NDUFA13: variants seen among roughly 807,000 people sequenced by gnomAD.
NDUFA13 encodes the protein NADH:ubiquinone oxidoreductase subunit A13.
In NDUFA13, 16 loss-of-function variants were observed where a neutral mutation model predicts 17.0. The observed-to-expected ratio is 0.94, with a 90% CI of 0.64 to 1.43. The LOEUF (loss-of-function observed/expected upper bound fraction) is 1.43, where lower values mean the gene tolerates loss of function less well. Ranked by LOEUF, NDUFA13 falls within the 40% of genes most tolerant of loss-of-function variation. The pLI, the probability that NDUFA13 is intolerant of heterozygous loss-of-function variation, is 0.00. For synonymous variants in NDUFA13, 87 were observed against 78.4 expected (o/e 1.11, Z -0.58); for missense variants, 228 against 206.7 (o/e 1.10, Z -0.63).
chr19:19,527,359 C>T lies in NDUFA13; in HGVS notation c.245+7C>T. Reference sequence around the variant, plus strand: ...AGGCAGAAACCGACCGGAGGTAGCACCGCAGGGGCCAAGGTTGGGAGGTCA... The same window carrying T: ...AGGCAGAAACCGACCGGAGGTAGCATCGCAGGGGCCAAGGTTGGGAGGTCA... On this transcript the variant is annotated splice_region_variant and intron_variant, in intron 3 of 4. Transcript: ENST00000507754. 6.2e-7 allele frequency: 1 copy of T among 1,613,760 alleles called. No homozygotes were observed. Among genetic ancestry groups the T allele is most frequent in the Non-Finnish European group, 8.5e-7 (1 of 1,179,994 alleles).
At chr19:19,517,808 T>G (rs1261362706) in intron 1 of NDUFA13, among the ~76,000 whole-genome samples, 1 of 151,948 alleles carries the variant, frequency 6.6e-6, no homozygotes, top group Non-Finnish European at 1.5e-5. Context: ...ATTACAGGCA[T>G]GAGCCACCGC....
At chr19:19,518,479 C>T (rs2061060219) in intron 1 of NDUFA13, among the ~76,000 whole-genome samples, 2 of 152,038 alleles carry the variant, frequency 1.3e-5, no homozygotes, top group Non-Finnish European at 2.9e-5. Context: ...AGGTTATCCA[C>T]CCACCTCGGC....
At chr19:19,525,921 G>A (rs1002051209) in intron 1 of NDUFA13, 1 of 987,740 alleles carries the variant, frequency 1.0e-6, no homozygotes, top group Non-Finnish European at 1.4e-6. Flanking sequence ...TGCCGCCCAG[G>A]GTCCAAACAG....
intron 1 of NDUFA13, among the ~76,000 whole-genome samples, chr19:19,524,363 T>G (rs1158525422): frequency 6.6e-6 from 1 of 152,246 alleles, no homozygotes; most frequent in African/African-American, 2.4e-5. Flanking sequence ...AGCTGTGGGA[T>G]AAGTTTTGGA....
chr19:19,520,870 G>C (rs1397451896), intron 1 of NDUFA13, among the ~76,000 whole-genome samples: 1 of 152,116 alleles, frequency 6.6e-6, no homozygotes, highest in East Asian at 1.9e-4. Context: ...GTGGCCTTTT[G>C]TTTCTGGCAA....
chr19:19,526,788 C>G, intron 2 of NDUFA13: 1 of 285,368 alleles, frequency 3.5e-6, no homozygotes, highest in Non-Finnish European at 6.8e-6. Context: ...TCCCCCAACC[C>G]CAACGCAGGC....
Position 19,516,283 on chromosome 19 carries a change from C to A in NDUFA13, c.45C>A (p.Gly15=), listed in dbSNP as rs183288709. The change falls in exon 1 of 5, where the codon GGC becomes GGA. Residue 15 remains glycine (G), a synonymous_variant. Coordinates refer to ENST00000507754, the MANE Select transcript of NDUFA13 (RefSeq NM_015965.7). ...KVKQDMPPPG[G]YGPIDYKRNL... ...AGCAGGACATGCCTCCGCCGGGGGG[C>A]TATGGGCCCATCGACTACAAACGGA... is the stretch of plus-strand genomic sequence containing the variant. 730 of 1,613,902 alleles carry A rather than the reference C, an allele frequency of 4.5e-4. No individual in the cohort carries two copies. The highest frequency in any genetic ancestry group is 1.0e-3 in the Admixed American group (61 of 60,028).
chr19:19,520,855 A>T (rs2061073898), intron 1 of NDUFA13, among the ~76,000 whole-genome samples: 1 of 152,044 alleles, frequency 6.6e-6, no homozygotes, highest in Non-Finnish European at 1.5e-5. Context: ...GAAGTCATAG[A>T]CCGTGTGGCC....
chr19:19,523,365 G>C (rs1318328925), intron 1 of NDUFA13, among the ~76,000 whole-genome samples: 2 of 152,226 alleles, frequency 1.3e-5, no homozygotes, highest in East Asian at 3.8e-4. Flanking sequence ...TGAGGTGGGA[G>C]GATTGCTTGA....
intron 3 of NDUFA13, 37 bp downstream of exon 3, chr19:19,527,389 C>A: frequency 6.2e-7 from 1 of 1,610,028 alleles, no homozygotes; most frequent in Non-Finnish European, 8.5e-7. Context: ...AGGTCACTGG[C>A]CGGAAGGCCC....
At chr19:19,526,407 C>A in intron 2 of NDUFA13, 147 bp downstream of exon 2, 1 of 819,494 alleles carries the variant, frequency 1.2e-6, no homozygotes, top group Admixed American at 2.0e-5. Context: ...AAGTGCAGAT[C>A]CAGACCCAGC....
chr19:19,524,352 C>T (rs1408933359), intron 1 of NDUFA13, among the ~76,000 whole-genome samples: 5 of 152,244 alleles, frequency 3.3e-5, no homozygotes, highest in African/African-American at 9.6e-5. Context: ...CTTGTACACA[C>T]AGCTGTGGGA....
At chr19:19,527,191 CAGCAG>C in intron 2 of NDUFA13, 85 bp from the exon 3 acceptor site, 1 of 1,423,944 alleles carries the variant, frequency 7.0e-7, no homozygotes, top group East Asian at 2.3e-5. Context: ...CCTCTTCCCC[CAGCAG>C]CACCCTGGCC....
rs1324346051 is a variant in NDUFA13, at chr19:19,527,686, G to A, written c.246-15G>A. ...CACTGAGGCCCCACCCCCACCATCG[G>A]CCCCATCCCCACAGGACCTTGCAGA... On this transcript the variant is annotated splice_polypyrimidine_tract_variant and intron_variant, in intron 3 of 4. Coordinates refer to ENST00000507754, the MANE Select transcript of NDUFA13 (RefSeq NM_015965.7). 1 of 1,550,906 alleles carries A rather than the reference G, an allele frequency of 6.4e-7. No individual in the cohort carries two copies. Among genetic ancestry groups the A allele is most frequent in the Admixed American group, 2.0e-5 (1 of 51,004 alleles).
chr19:19,520,136 G>A (rs1303755991), intron 1 of NDUFA13, among the ~76,000 whole-genome samples: 8 of 151,916 alleles, frequency 5.3e-5, no homozygotes, highest in Non-Finnish European at 8.8e-5. Flanking sequence ...GAGCCACTGC[G>A]CCCGGCTGGC....
chr19:19,518,713 G>A (rs1048220374), intron 1 of NDUFA13, among the ~76,000 whole-genome samples: 11 of 138,844 alleles, frequency 7.9e-5, no homozygotes, highest in African/African-American at 2.7e-4. Flanking sequence ...ACAGGTGGGC[G>A]CCACCATGCC....
At chr19:19,520,968 G>A (rs989817044) in intron 1 of NDUFA13, among the ~76,000 whole-genome samples, 1 of 152,216 alleles carries the variant, frequency 6.6e-6, no homozygotes, top group African/African-American at 2.4e-5. Context: ...TGAATAATGT[G>A]AGTATGGCTG....
Position 19,526,223 on chromosome 19 carries a change from G to C in NDUFA13, c.136G>C (p.Gly46Arg), listed in dbSNP as rs369808745. The stretch of plus-strand genomic sequence containing the variant: ...CATAGGGATTGGAACCCTGATCTAC[G>C]GGCACTGGAGCATAATGAAGTGGAA... Reference protein sequence around the residue: ...LAIGIGTLIYGHWSIMKWNRE... With the variant: ...LAIGIGTLIYRHWSIMKWNRE... Residue 46 changes from glycine (G) to arginine (R), a missense_variant, in exon 2 of 5, where the codon GGG (glycine) becomes CGG (arginine). By Grantham distance (125) the Gly-to-Arg change is moderately radical (BLOSUM62 -2). Transcript: ENST00000507754. The C allele has an allele frequency of 1.9e-6, 3 of 1,614,130 alleles. No individual in the cohort carries two copies. Among genetic ancestry groups the C allele is most frequent in the Admixed American group, 3.3e-5 (2 of 60,020 alleles).
At position 19,518,513 on chromosome 19, in the gene NDUFA13, GCACGACC is replaced by G. The variant is rs1259092295; in HGVS notation, c.94+2185_94+2191del. On this transcript the variant is annotated intron_variant, in intron 1 of 4. Transcript: ENST00000507754. ...GCCTCCCAAAGTGCTAATATTGCAG[GCACGACC>G]CACCACGCCTGGCGTTGTTTGTTTT... Among the ~76,000 whole-genome samples, 5 of 151,190 alleles carry G rather than the reference GCACGACC, an allele frequency of 3.3e-5. No homozygotes were observed. The East Asian group carries it at 9.8e-4, about 30-fold the overall frequency.
Sources: allele counts gnomAD v4.1 joint callset (sites outside exome capture counted in the v4.1 genomes callset), GRCh38; gene constraint gnomAD v4.1.1; transcripts MANE v1.5; gene names NCBI Gene and HGNC (gene_info 2026-07-23, HGNC 2026-07-21).